Variants in CARM1 observed in about 807,000 individuals in gnomAD.
The protein encoded by CARM1 is coactivator associated arginine methyltransferase 1.
In CARM1, 14 loss-of-function variants were observed where a neutral mutation model predicts 72.7. That is an observed-to-expected ratio of 0.19 (90% CI 0.13 to 0.30). The LOEUF (loss-of-function observed/expected upper bound fraction) is 0.30, where lower values mean the gene tolerates loss of function less well. Among genes scored for constraint, CARM1 ranks in the 10% least tolerant of loss-of-function variants. The pLI, the probability that CARM1 is intolerant of heterozygous loss-of-function variation, is 1.00. For missense variants in CARM1, 432 were observed against 833.7 expected, an observed-to-expected ratio of 0.52 and a Z score of 5.93; for synonymous variants, 333 against 345.5, an observed-to-expected ratio of 0.96 and a Z score of 0.40.
intron 4 of CARM1, among the ~76,000 whole-genome samples, chr19:10,909,496 G>A (rs2074129958): frequency 6.6e-6 from 1 of 151,802 alleles, no homozygotes; most frequent in Admixed American, 6.6e-5. Context: ...AGCACTTTGG[G>A]ACGCCCAGGC....
At chr19:10,909,416 G>A (rs1264292764) in intron 4 of CARM1, among the ~76,000 whole-genome samples, 2 of 152,088 alleles carry the variant, frequency 1.3e-5, no homozygotes, top group Non-Finnish European at 2.9e-5. Flanking sequence ...GGGCGACAGA[G>A]CGAGACTCTT....
rs1409285918 is a variant in CARM1, at chr19:10,920,326, G to A, written c.1197-110G>A. On this transcript the variant is annotated intron_variant, in intron 10 of 15. Transcript: ENST00000327064. This position sits in a 1 kb window ranked among gnomAD's most constrained non-coding sequence, Gnocchi z 5.3. ...GCCTGTCTCTGCTCCAGGGTCCCAG[G>A]GGTCCCTGGCAGAGGGGGCAGGTGC... 2 of 1,319,584 alleles carry A rather than the reference G, an allele frequency of 1.5e-6. No homozygotes were observed. The highest frequency in any genetic ancestry group is 2.1e-6 in the Non-Finnish European group (2 of 966,988). The allele number at this position is 1,319,584 out of a possible 1,614,324, so 81.7% of individuals were successfully genotyped here.
rs1408379690 is a variant in CARM1, at chr19:10,922,482, CAA to C, written c.*726_*727del. On this transcript the variant is annotated 3_prime_UTR_variant, in exon 16 of 16. Coordinates refer to ENST00000327064, the MANE Select transcript of CARM1 (RefSeq NM_199141.2). ...GCAGGTCCCCCCCCGCCCCCCCACT[CAA>C]GAGTTAGAGCAGGTGGCTGCAGGCC... 12 of 148,094 alleles carry C rather than the reference CAA, an allele frequency of 8.1e-5. No individual in the cohort carries two copies. Among genetic ancestry groups the C allele is most frequent in the Non-Finnish European group, 1.4e-4 (9 of 65,774 alleles). 9.2% of individuals were successfully genotyped at this position (148,094 alleles called of 1,614,324 possible). A position where few individuals can be genotyped will look rare whatever the true frequency, so the allele number is the denominator to read the frequency against.
chr19:10,878,683 G>T (rs751469761), intron 1 of CARM1, among the ~76,000 whole-genome samples: 5 of 152,150 alleles, frequency 3.3e-5, no homozygotes, highest in Non-Finnish European at 7.3e-5. Context: ...ACCCAAAGTA[G>T]CAGAGGCTTA....
chr19:10,920,592 G>A lies in CARM1; in HGVS notation c.1334+19G>A. On this transcript the variant is annotated intron_variant, in intron 11 of 15. Transcript: ENST00000327064. This position sits in a 1 kb window ranked among gnomAD's most constrained non-coding sequence, Gnocchi z 5.3. ...ACAAAAGGTGCGACTGCTCCCTGGG[G>A]CTGGTGGTGGTGGGCAGGGGTCCAT... 21 of 1,613,912 alleles carry A rather than the reference G, an allele frequency of 1.3e-5. No homozygotes were observed. Among genetic ancestry groups the A allele is most frequent in the Non-Finnish European group, 1.7e-5 (20 of 1,179,852 alleles).
Position 10,921,837 on chromosome 19 carries a change from T to C in CARM1, c.*80T>C, listed in dbSNP as rs916295916. 1.1e-5 allele frequency: 16 copies of C among 1,404,058 alleles called. No homozygotes were observed. The highest frequency in any genetic ancestry group is 1.6e-5 in the Non-Finnish European group (16 of 1,031,992). 87.0% of individuals were successfully genotyped at this position (1,404,058 alleles called of 1,614,324 possible). A position where few individuals can be genotyped will look rare whatever the true frequency, so the allele number is the denominator to read the frequency against. ...CGCCCCCGCCGGGCGGCTTTCCCCC[T>C]TGTACTGGAGAAGCTCGAACACCCG... is the stretch of plus-strand genomic sequence containing the variant. On this transcript the variant is annotated 3_prime_UTR_variant, in exon 16 of 16. Coordinates refer to ENST00000327064, the MANE Select transcript of CARM1 (RefSeq NM_199141.2).
At position 10,876,268 on chromosome 19, in the gene CARM1, C is replaced by T. The variant is rs370735745; in HGVS notation, c.220+4346C>T. Among the ~76,000 whole-genome samples the T allele has an allele frequency of 3.3e-5, 5 of 152,230 alleles. No individual in the cohort carries two copies. The South Asian group carries it at 1.0e-3, about 32-fold the overall frequency. ...CTTGAACTCCTGGGCTCAAGCAGTC[C>T]TCCTGCCTTGGCCTCCCAAAGTGCT... On this transcript the variant is annotated intron_variant, in intron 1 of 15. Coordinates refer to ENST00000327064, the MANE Select transcript of CARM1 (RefSeq NM_199141.2).
rs774562392 is a variant in CARM1 at position 10,896,204 on chromosome 19, G to A, written c.221-8747G>A. On this transcript the variant is annotated intron_variant, in intron 1 of 15. Coordinates refer to ENST00000327064, the MANE Select transcript of CARM1 (RefSeq NM_199141.2). This position sits in a 1 kb window ranked among gnomAD's most constrained non-coding sequence, Gnocchi z 5.2. ...TGAGACCCTTGAGAGACGTCTCCCC[G>A]TTCTTCCAAGACCCTCCTGCATGCT... Among the ~76,000 whole-genome samples, 3 of 151,980 alleles carry A rather than the reference G, an allele frequency of 2.0e-5. No homozygotes were observed. The highest frequency in any genetic ancestry group is 3.9e-4 in the East Asian group (2 of 5,190).
At chr19:10,899,658 G>T (rs903435312) in intron 1 of CARM1, among the ~76,000 whole-genome samples, 3 of 152,108 alleles carry the variant, frequency 2.0e-5, no homozygotes, top group Non-Finnish European at 2.9e-5. Flanking sequence ...CTGCCCTTCA[G>T]GTCTCATATC....
At chr19:10,897,334 T>C (rs1297721786) in intron 1 of CARM1, among the ~76,000 whole-genome samples, 9 of 152,294 alleles carry the variant, frequency 5.9e-5, no homozygotes, top group South Asian at 2.1e-4. Flanking sequence ...TAGAGTGTTG[T>C]CACTCTTATG....
intron 1 of CARM1, among the ~76,000 whole-genome samples, chr19:10,904,630 C>G (rs994699469): frequency 6.6e-5 from 10 of 152,248 alleles, no homozygotes; most frequent in Non-Finnish European, 4.4e-5. Context: ...AGGGCAGAGG[C>G]AGCTCCAGCT....
chr19:10,894,793 T>C (rs1368370637), intron 1 of CARM1, among the ~76,000 whole-genome samples: 1 of 148,050 alleles, frequency 6.8e-6, no homozygotes, highest in East Asian at 2.0e-4. Context: ...CAGGCTGGAG[T>C]GCAGTGGCAC....
rs1263029823 is a variant in CARM1, at chr19:10,915,774, T to C, written c.848-633T>C. 6.6e-6 allele frequency among the ~76,000 whole-genome samples: 1 copy of C among 152,158 alleles called. No homozygotes were observed. The highest frequency in any genetic ancestry group is 6.5e-5 in the Admixed American group (1 of 15,270). On this transcript the variant is annotated intron_variant, in intron 6 of 15. Coordinates refer to ENST00000327064, the MANE Select transcript of CARM1 (RefSeq NM_199141.2). The surrounding 1 kb of genome is among the most constrained non-coding windows in gnomAD (Gnocchi z 4.6). ...GGGGCTGCGGGGCCCTGATCCTCCC[T>C]GCCACTGGCCCTGACTCATGCGTCT...
intron 1 of CARM1, among the ~76,000 whole-genome samples, chr19:10,880,033 TG>T (rs1372329145): frequency 6.6e-6 from 1 of 152,208 alleles, no homozygotes; most frequent in Non-Finnish European, 1.5e-5. Context: ...CAACAGAAGC[TG>T]GAGTGTGGTG....
chr19:10,890,421 C>T (rs916722740), intron 1 of CARM1, among the ~76,000 whole-genome samples: 3 of 151,704 alleles, frequency 2.0e-5, no homozygotes, highest in African/African-American at 7.3e-5. Flanking sequence ...GCGCCCACCA[C>T]TACACCTGGC....
At position 10,871,640 on chromosome 19, in the gene CARM1, A is replaced by T. The variant is rs866968375; in HGVS notation, c.-63A>T. 2 of 143,134 alleles carry T rather than the reference A, an allele frequency of 1.4e-5. No individual in the cohort carries two copies. Among genetic ancestry groups the T allele is most frequent in the Admixed American group, 9.8e-5 (1 of 10,208 alleles). 8.9% of individuals were successfully genotyped at this position (143,134 alleles called of 1,614,324 possible). A position where few individuals can be genotyped will look rare whatever the true frequency, so the allele number is the denominator to read the frequency against. On this transcript the variant is annotated 5_prime_UTR_variant, in exon 1 of 16. Coordinates refer to ENST00000327064, the MANE Select transcript of CARM1 (RefSeq NM_199141.2). This position sits in a 1 kb window ranked among gnomAD's most constrained non-coding sequence, Gnocchi z 5.6. ...CGGCGGCGGCGGCGGCGGCGGCGGC[A>T]GCGGCGGCGGCCTGGGCCCGGGCGC...
At position 10,920,072 on chromosome 19, in the gene CARM1, C is replaced by T. The variant is rs1474920291; in HGVS notation, c.1196+106C>T. On this transcript the variant is annotated intron_variant, in intron 10 of 15. Coordinates refer to ENST00000327064, the MANE Select transcript of CARM1 (RefSeq NM_199141.2). This position sits in a 1 kb window ranked among gnomAD's most constrained non-coding sequence, Gnocchi z 5.3. ...AACATGGCTCCAGGTTCCACCATCCCTTCCAATGGGAGTGAGAGCCTGTCT... is the reference window on the plus strand; with the variant it reads ...AACATGGCTCCAGGTTCCACCATCCTTTCCAATGGGAGTGAGAGCCTGTCT... The T allele has an allele frequency of 1.2e-6, 1 of 856,620 alleles. No individual in the cohort carries two copies. Among genetic ancestry groups the T allele is most frequent in the African/African-American group, 1.7e-5 (1 of 60,534 alleles). The allele number at this position is 856,620 out of a possible 1,614,324, so 53.1% of individuals were successfully genotyped here. A position where few individuals can be genotyped will look rare whatever the true frequency, so the allele number is the denominator to read the frequency against.
intron 1 of CARM1, among the ~76,000 whole-genome samples, chr19:10,873,687 T>C (rs1333868677): frequency 1.6e-5 from 2 of 122,918 alleles, no homozygotes; most frequent in African/African-American, 6.2e-5. Context: ...TCCCCCAGGC[T>C]GAAGTGCAGT....
At chr19:10,877,162 A>G (rs1267184387) in intron 1 of CARM1, among the ~76,000 whole-genome samples, 1 of 152,038 alleles carries the variant, frequency 6.6e-6, no homozygotes, top group African/African-American at 2.4e-5. Flanking sequence ...AGAGCTTGTT[A>G]TGTGCCCCAT....
Sources: gnomAD v4.1 joint callset for allele counts (sites outside exome capture counted in the v4.1 genomes callset) on GRCh38, gnomAD v4.1.1 for gene constraint, Gnocchi (gnomAD v3.1) non-coding constraint, MANE v1.5 for transcripts, NCBI Gene and HGNC (gene_info 2026-07-23, HGNC 2026-07-21) for gene names.